TSFM: variants seen among roughly 807,000 people sequenced by gnomAD.
TSFM encodes the protein elongation factor Ts, mitochondrial.
In TSFM, 29 loss-of-function variants were observed where a neutral mutation model predicts 33.4. The observed-to-expected ratio is 0.87, with a 90% CI of 0.65 to 1.18. TSFM has a LOEUF of 1.18. Ranked by LOEUF, TSFM falls within the 50% of genes most tolerant of loss-of-function variation. The pLI, the probability that TSFM is intolerant of heterozygous loss-of-function variation, is 0.00. For missense variants in TSFM, 394 were observed against 395.6 expected (o/e 1.00, Z 0.04); for synonymous variants, 178 against 163.5 (o/e 1.09, Z -0.68).
downstream of TSFM, among the ~76,000 whole-genome samples, chr12:57,801,881 T>G (rs1174911043): frequency 6.6e-6 from 1 of 152,252 alleles, no homozygotes; most frequent in East Asian, 1.9e-4. Flanking sequence ...CTATCAGGAT[T>G]GTTGTAAAGA....
chr12:57,799,941 G>A, downstream of TSFM: 1 of 1,613,806 alleles, frequency 6.2e-7, no homozygotes, highest in South Asian at 1.1e-5. Flanking sequence ...TAAGAATGTA[G>A]GCACAGGGAA....
At chr12:57,802,793 T>C, downstream of TSFM, 1 of 575,654 alleles carries the variant, frequency 1.7e-6, no homozygotes, top group South Asian at 2.4e-5. Context: ...TCACCAGGGC[T>C]GACCAACTTT....
Position 57,796,269 on chromosome 12 carries a change from C to T in TSFM, c.664C>T (p.Gln222Ter), listed in dbSNP as rs774375880. 6.2e-7 allele frequency: 1 copy of T among 1,612,966 alleles called. No homozygotes were observed. The highest frequency in any genetic ancestry group is 1.7e-5 in the Admixed American group (1 of 59,812). The change falls in exon 6 of 6, where the codon CAG becomes TAG. Residue 222 changes from glutamine (Q) to a stop codon, truncating the protein, a stop_gained. Coordinates refer to ENST00000652027, the MANE Select transcript of TSFM (RefSeq NM_005726.6). LOFTEE classifies it high-confidence loss of function. ...YVGSYVHGAM[Q>*]SPSLHKLVLG... ...TGGCTCTTATGTCCACGGAGCAATG[C>T]AGAGTCCCTCACTTCACAAGCTGGT... is the stretch of plus-strand genomic sequence containing the variant.
rs191666277 is a variant in TSFM at position 57,796,874 on chromosome 12, T to C, written c.*291T>C. ...TTTATTATGGTATTTCTGAAATTTC[T>C]AACTTATATGTTCTGTCTTACACCT... On this transcript the variant is annotated 3_prime_UTR_variant, in exon 6 of 6. Transcript: ENST00000652027. The C allele has an allele frequency of 3.5e-3, 3,640 of 1,047,206 alleles. 11 individuals carry two copies. The highest frequency in any genetic ancestry group is 4.0e-3 in the Non-Finnish European group (3,507 of 871,724). 64.9% of individuals were successfully genotyped at this position (1,047,206 alleles called of 1,614,324 possible).
intron 2 of TSFM, among the ~76,000 whole-genome samples, chr12:57,784,766 G>C (rs2140415376): frequency 6.6e-6 from 1 of 151,778 alleles, no homozygotes; most frequent in East Asian, 2.0e-4. Flanking sequence ...TGTAATCCCA[G>C]CTACTCGGGA....
At chr12:57,795,981 C>T (rs958128890) in intron 5 of TSFM, among the ~76,000 whole-genome samples, 196 bp from the exon 6 acceptor site, 1 of 152,172 alleles carries the variant, frequency 6.6e-6, no homozygotes, top group Admixed American at 6.5e-5. Flanking sequence ...TCACTTCCCC[C>T]ACTCCCGCTC....
chr12:57,793,347 C>T (rs527548196), intron 5 of TSFM, among the ~76,000 whole-genome samples: 14 of 152,244 alleles, frequency 9.2e-5, no homozygotes, highest in South Asian at 8.3e-4. Context: ...CTCAGCCTCC[C>T]GAGTAGCTGG....
downstream of TSFM, chr12:57,801,130 C>T (rs777720381): frequency 1.2e-4 from 187 of 1,611,746 alleles, no homozygotes; most frequent in Non-Finnish European, 1.6e-4. Flanking sequence ...CTCCCAAGAG[C>T]GAACCCGACT....
chr12:57,793,947 C>T lies in TSFM; in HGVS notation c.571+874C>T, dbSNP rs542905977. On this transcript the variant is annotated intron_variant, in intron 5 of 5. Coordinates refer to ENST00000652027, the MANE Select transcript of TSFM (RefSeq NM_005726.6). ...TTTTAGAGCCTGTTGGCTATAGGAA[C>T]CACATCTGGATCATTGTGGTGGGAC... Among the ~76,000 whole-genome samples the T allele has an allele frequency of 1.2e-4, 19 of 152,348 alleles. No homozygotes were observed. In the South Asian group the frequency reaches 2.5e-3, roughly 20 times the overall value.
chr12:57,784,330 TTAG>T, intron 2 of TSFM, among the ~76,000 whole-genome samples: 1 of 152,338 alleles, frequency 6.6e-6, no homozygotes, highest in Admixed American at 6.5e-5. Flanking sequence ...AAGGCCTGCC[TTAG>T]GACACTATGG....
At chr12:57,795,227 T>C (rs113903576) in intron 5 of TSFM, among the ~76,000 whole-genome samples, 59 of 151,318 alleles carry the variant, frequency 3.9e-4, no homozygotes, top group African/African-American at 1.4e-3. Flanking sequence ...GCCTCCCGAG[T>C]AGCTGGGATT....
Position 57,792,991 on chromosome 12 carries a change from C to T in TSFM, c.489C>T (p.Phe163=), listed in dbSNP as rs1485893845. The change falls in exon 5 of 6, where the codon TTC becomes TTT. Residue 163 remains phenylalanine, a synonymous_variant. Transcript: ENST00000652027. The part of the protein sequence containing the change: ...KDQPSAYSKG[F]LNSSELSGLP... Reference sequence around the variant, plus strand: ...TGTTTTCTTCGTGCACTTAGGGTTTCTTGAATTCCTCTGAGCTTTCTGGAC... The same window carrying T: ...TGTTTTCTTCGTGCACTTAGGGTTTTTTGAATTCCTCTGAGCTTTCTGGAC... 6.2e-7 allele frequency: 1 copy of T among 1,613,630 alleles called. No individual in the cohort carries two copies. The highest frequency in any genetic ancestry group is 1.3e-5 in the African/African-American group (1 of 74,932).
chr12:57,785,564 C>T (rs890604847), intron 2 of TSFM, among the ~76,000 whole-genome samples: 2 of 152,126 alleles, frequency 1.3e-5, no homozygotes, highest in African/African-American at 2.4e-5. Context: ...CTCCGCCTCC[C>T]GGGTTCAAGA....
At chr12:57,789,923 C>T (rs1955640386) in intron 4 of TSFM, among the ~76,000 whole-genome samples, 1 of 151,962 alleles carries the variant, frequency 6.6e-6, no homozygotes, top group Non-Finnish European at 1.5e-5. Flanking sequence ...TTATTCTTAT[C>T]TTTTGGGTTT....
At chr12:57,791,123 C>T (rs1350529948) in intron 4 of TSFM, among the ~76,000 whole-genome samples, 2 of 151,726 alleles carry the variant, frequency 1.3e-5, no homozygotes, top group African/African-American at 2.4e-5. Flanking sequence ...GATTCTCCTG[C>T]CTCAGCCTCC....
Position 57,793,051 on chromosome 12 carries a change from G to A in TSFM, c.549G>A (p.Lys183=). The A allele has an allele frequency of 1.9e-6, 3 of 1,613,554 alleles. No homozygotes were observed. The highest frequency in any genetic ancestry group is 2.5e-6 in the Non-Finnish European group (3 of 1,179,662). ...PAGPDREGSL[K]DQLALAIGKL... is the part of the protein sequence containing the mutation. ...GGCCTGACAGAGAAGGCTCACTCAAGGATCAGTTGGCTTTAGCAATTGGTG... is the reference window on the plus strand; with the variant it reads ...GGCCTGACAGAGAAGGCTCACTCAAAGATCAGTTGGCTTTAGCAATTGGTG... Residue 183 remains lysine, a synonymous_variant, in exon 5 of 6, where the codon AAG becomes AAA. Coordinates refer to ENST00000652027, the MANE Select transcript of TSFM (RefSeq NM_005726.6).
chr12:57,799,786 G>T (rs1057350133), downstream of TSFM: 10 of 1,613,506 alleles, frequency 6.2e-6, no homozygotes, highest in Non-Finnish European at 8.5e-6. Flanking sequence ...AGTTCCTTCA[G>T]CCACTCACCT....
intron 2 of TSFM, among the ~76,000 whole-genome samples, chr12:57,785,529 G>A (rs562451169): frequency 1.2e-4 from 18 of 152,204 alleles, no homozygotes; most frequent in South Asian, 2.1e-4. Context: ...GTGCAGTGGC[G>A]CGATAGATCT....
intron 5 of TSFM, among the ~76,000 whole-genome samples, chr12:57,795,659 G>A (rs1955725869): frequency 6.6e-6 from 1 of 152,012 alleles, no homozygotes; most frequent in Non-Finnish European, 1.5e-5. Flanking sequence ...CTTGTTCCCA[G>A]GATGGACTGC....
Sources: gnomAD v4.1 joint callset for allele counts (sites outside exome capture counted in the v4.1 genomes callset) on GRCh38, gnomAD v4.1.1 for gene constraint, MANE v1.5 for transcripts, NCBI Gene and HGNC (gene_info 2026-07-23, HGNC 2026-07-21) for gene names.